Variants in MACROH2A2 observed in about 807,000 individuals in gnomAD.
The protein encoded by MACROH2A2 is core histone macro-H2A.2.
In MACROH2A2, 6 loss-of-function variants were observed where a neutral mutation model predicts 37.6. The observed-to-expected ratio is 0.16, with a 90% CI of 0.09 to 0.32. The LOEUF is 0.32. Among genes scored for constraint, MACROH2A2 ranks in the 10% least tolerant of loss-of-function variants. The pLI is 1.00. For synonymous variants in MACROH2A2, 192 were observed against 202.7 expected (o/e 0.95, Z 0.45); for missense variants, 290 against 485.9 (o/e 0.60, Z 3.79).
intron 8 of MACROH2A2, among the ~76,000 whole-genome samples, chr10:70,109,760 C>G (rs973302230): frequency 6.6e-6 from 1 of 152,108 alleles, no homozygotes; most frequent in Non-Finnish European, 1.5e-5. Context: ...ATGAATACAC[C>G]CAGAGAAGTG....
At chr10:70,095,339 G>C (rs531329204) in intron 5 of MACROH2A2, among the ~76,000 whole-genome samples, 1 of 150,736 alleles carries the variant, frequency 6.6e-6, no homozygotes, top group South Asian at 2.1e-4. Context: ...CTGCACTCCA[G>C]CCTGGGAGAC....
At chr10:70,080,150 A>C (rs1441428443) in intron 2 of MACROH2A2, among the ~76,000 whole-genome samples, 2 of 151,962 alleles carry the variant, frequency 1.3e-5, no homozygotes, top group African/African-American at 4.8e-5. Context: ...GTGATGGTGC[A>C]TGCCTGTTAT....
At chr10:70,071,274 C>T (rs1001241645) in intron 1 of MACROH2A2, among the ~76,000 whole-genome samples, 2 of 152,114 alleles carry the variant, frequency 1.3e-5, no homozygotes, top group African/African-American at 4.8e-5. Context: ...AGTAATCATC[C>T]TCCAATCCCA....
chr10:70,098,233 A>C lies in MACROH2A2; in HGVS notation c.689-1975A>C, dbSNP rs539168453. 9 of 145,372 alleles carry C rather than the reference A, an allele frequency of 6.2e-5. No individual in the cohort carries two copies. The South Asian group carries it at 2.2e-3, about 35-fold the overall frequency. 9.0% of individuals were successfully genotyped at this position (145,372 alleles called of 1,614,324 possible). A position where few individuals can be genotyped will look rare whatever the true frequency, so the allele number is the denominator to read the frequency against. ...CTCCAGCCTGGGCCACAGAGTGCAC[A>C]GAGTGAGACCATGTCAAGAAATTAA... On this transcript the variant is annotated intron_variant, in intron 6 of 8. Transcript: ENST00000373255.
chr10:70,105,702 C>T, intron 7 of MACROH2A2, among the ~76,000 whole-genome samples: 1 of 151,064 alleles, frequency 6.6e-6, no homozygotes, highest in East Asian at 2.0e-4. Flanking sequence ...AGGGCTGGGG[C>T]CCGAAGACCA....
chr10:70,104,374 AAAAGCCTCACT>A (rs1346089592), intron 7 of MACROH2A2, among the ~76,000 whole-genome samples: 1 of 152,026 alleles, frequency 6.6e-6, no homozygotes, highest in Non-Finnish European at 1.5e-5. Context: ...AAAAAAAAAA[AAAAGCCTCACT>A]AAAGAATTTG....
intron 2 of MACROH2A2, among the ~76,000 whole-genome samples, chr10:70,086,361 T>C (rs558993181): frequency 2.0e-5 from 3 of 152,236 alleles, no homozygotes; most frequent in East Asian, 1.9e-4. Flanking sequence ...TTCTTTCTTA[T>C]AGATTGTTTC....
chr10:70,065,902 C>G (rs1367069679), intron 1 of MACROH2A2, among the ~76,000 whole-genome samples: 2 of 152,112 alleles, frequency 1.3e-5, no homozygotes. Flanking sequence ...GAGCAGGGTT[C>G]AATGACTTCA....
chr10:70,073,811 A>G (rs756849704), intron 1 of MACROH2A2, among the ~76,000 whole-genome samples: 2 of 152,210 alleles, frequency 1.3e-5, no homozygotes, highest in Non-Finnish European at 2.9e-5. Context: ...CCAAGCATTC[A>G]TTTAATATCT....
At chr10:70,100,400 A>G (rs2072299720) in intron 7 of MACROH2A2, 103 bp downstream of exon 7, 2 of 641,808 alleles carry the variant, frequency 3.1e-6, no homozygotes, top group Admixed American at 2.7e-5. Flanking sequence ...GAGTCAAAGT[A>G]TGCCATAACT....
chr10:70,085,244 T>C (rs1042055497), intron 2 of MACROH2A2, among the ~76,000 whole-genome samples: 6 of 152,110 alleles, frequency 3.9e-5, no homozygotes, highest in African/African-American at 7.2e-5. Flanking sequence ...TGATTTTGAT[T>C]TGGGGACTGA....
chr10:70,100,440 A>G, intron 7 of MACROH2A2, 143 bp downstream of exon 7: 1 of 584,854 alleles, frequency 1.7e-6, no homozygotes, highest in Non-Finnish European at 3.1e-6. Flanking sequence ...CATCTCAGGT[A>G]ATTTGGGCAG....
In MACROH2A2 at chr10:70,091,915, G is replaced by T. The variant is rs778130741; in HGVS notation, c.438G>T (p.Gly146=). 1.9e-6 allele frequency: 3 copies of T among 1,613,950 alleles called. No individual in the cohort carries two copies. Among genetic ancestry groups the T allele is most frequent in the East Asian group, 4.5e-5 (2 of 44,866 alleles). Residue 146 remains glycine (G), a synonymous_variant, in exon 4 of 9, where the codon GGG becomes GGT. Coordinates refer to ENST00000373255, the MANE Select transcript of MACROH2A2 (RefSeq NM_018649.3). ...AGGCCACGTCAGGCAAGAAGGGGGG[G>T]AAGAAATCCAAGGCTGCCAAACCAC... is the stretch of plus-strand genomic sequence containing the variant. ...GRKATSGKKG[G]KKSKAAKPRT...
intron 6 of MACROH2A2, chr10:70,098,463 A>G (rs918688677): frequency 6.6e-5 from 10 of 152,152 alleles, no homozygotes; most frequent in Admixed American, 5.9e-4. Context: ...GATCCAAATC[A>G]GTCCACGCAC....
intron 8 of MACROH2A2, among the ~76,000 whole-genome samples, chr10:70,110,598 T>C (rs6480439): frequency 0.44 from 67,321 of 152,018 alleles, 18,635 homozygotes; most frequent in African/African-American, 0.77. Flanking sequence ...GAATCAAATA[T>C]AGGGAGCTGG....
chr10:70,095,945 T>A (rs996010378), intron 6 of MACROH2A2, among the ~76,000 whole-genome samples, 192 bp downstream of exon 6: 1 of 152,190 alleles, frequency 6.6e-6, no homozygotes, highest in Admixed American at 6.5e-5. Context: ...ATTTTTGAAA[T>A]TTTTATTGGG....
rs2071988906 is a variant in MACROH2A2 at position 70,053,483 on chromosome 10, G to A, written c.-60+483G>A. Among the ~76,000 whole-genome samples the A allele has an allele frequency of 6.6e-6, 1 of 151,944 alleles. No homozygotes were observed. Among genetic ancestry groups the A allele is most frequent in the Non-Finnish European group, 1.5e-5 (1 of 67,940 alleles). The stretch of plus-strand genomic sequence containing the variant: ...GGAGGGCCGCTCGGGGGCCTCTGAA[G>A]GTGCCCGGGCAGGGCGCCGGCGGCT... On this transcript the variant is annotated intron_variant, in intron 1 of 8. Transcript: ENST00000373255. The surrounding 1 kb of genome is among the most constrained non-coding windows in gnomAD (Gnocchi z 4.8).
rs757737430 is a variant in MACROH2A2 at position 70,109,214 on chromosome 10, T to G, written c.953+7T>G. On this transcript the variant is annotated splice_region_variant and intron_variant, in intron 8 of 8. Coordinates refer to ENST00000373255, the MANE Select transcript of MACROH2A2 (RefSeq NM_018649.3). ...CGCCTTTCCCCAGCGGCAGGTAAGA[T>G]GCAGTTCCCCTGAGTTGATTCCTCC... 3 of 1,611,906 alleles carry G rather than the reference T, an allele frequency of 1.9e-6. No homozygotes were observed. Among genetic ancestry groups the G allele is most frequent in the Non-Finnish European group, 2.5e-6 (3 of 1,178,588 alleles).
intron 2 of MACROH2A2, among the ~76,000 whole-genome samples, chr10:70,078,886 T>C (rs998113690): frequency 6.6e-6 from 1 of 152,330 alleles, no homozygotes; most frequent in South Asian, 2.1e-4. Flanking sequence ...GAGGTATCCA[T>C]TGATTCTGTT....
Sources: gnomAD v4.1 joint callset for allele counts (sites outside exome capture counted in the v4.1 genomes callset) on GRCh38, gnomAD v4.1.1 for gene constraint, Gnocchi (gnomAD v3.1) non-coding constraint, MANE v1.5 for transcripts, NCBI Gene and HGNC (gene_info 2026-07-23, HGNC 2026-07-21) for gene names.